The following SLC12A2 variants were observed in gnomAD, a reference collection of about 807,000 sequenced individuals.
SLC12A2 encodes the protein Na-K-2Cl cotransporter 1.
A neutral mutation model predicts 136.3 loss-of-function variants in SLC12A2; 67 were observed. That is an observed-to-expected ratio of 0.49 (90% CI 0.40 to 0.60). The LOEUF (loss-of-function observed/expected upper bound fraction) is 0.60. Ranked by LOEUF, SLC12A2 falls within the 20% of genes least tolerant of loss-of-function variation. SLC12A2 has a pLI of 0.00. For synonymous variants in SLC12A2, 619 were observed against 562.9 expected (o/e 1.10, Z -1.41); for missense variants, 1,322 against 1,534.7 (o/e 0.86, Z 2.32).
intron 24 of SLC12A2, 122 bp from the exon 25 acceptor site, chr5:128,184,244 A>T: frequency 1.7e-6 from 1 of 592,452 alleles, no homozygotes. Context: ...TGGTTGGGGT[A>T]TGGAGAGGAG....
chr5:128,109,657 G>C (rs997201828), intron 1 of SLC12A2: 3 of 842,798 alleles, frequency 3.6e-6, no homozygotes, highest in Non-Finnish European at 6.2e-6. Context: ...ATACATCAGG[G>C]AATAGCTTCA....
intron 1 of SLC12A2, among the ~76,000 whole-genome samples, chr5:128,091,081 A>G (rs781377809): frequency 3.3e-5 from 5 of 152,244 alleles, no homozygotes; most frequent in Admixed American, 6.5e-5. Context: ...GCCTACTGCA[A>G]TGGTTCCATT....
Position 128,174,585 on chromosome 5 carries a change from G to T in SLC12A2, c.2848G>T (p.Val950Leu), listed in dbSNP as rs760024899. 4 of 1,608,930 alleles carry T rather than the reference G, an allele frequency of 2.5e-6. No individual in the cohort carries two copies. The highest frequency in any genetic ancestry group is 2.2e-5 in the East Asian group (1 of 44,582). ...SQEKSPGTKD[V>L]VVSVEYSKKS... ...AGAGAAATCTCCTGGCACCAAGGAT[G>T]TGGTAGTAAGTGTGGAATATAGTAA... is the stretch of plus-strand genomic sequence containing the variant. The change falls in exon 20 of 27, where the codon GTG becomes TTG. Residue 950 changes from valine to leucine, a missense_variant. Physicochemically the swap from Val to Leu is conservative, Grantham distance 32. Transcript: ENST00000262461.
rs570600469 is a variant in SLC12A2 at position 128,110,914 on chromosome 5, G to A, written c.757-1900G>A. The A allele has an allele frequency of 2.5e-5, 25 of 985,680 alleles. No homozygotes were observed. In the East Asian group the frequency reaches 5.5e-4, roughly 22 times the overall value. The allele number at this position is 985,680 out of a possible 1,614,324, so 61.1% of individuals were successfully genotyped here. A position where few individuals can be genotyped will look rare whatever the true frequency, so the allele number is the denominator to read the frequency against. On this transcript the variant is annotated intron_variant, in intron 1 of 26. Transcript: ENST00000262461. ...AGTGAGTGGGCCGCAAATCTGAGAGGGCATGAAAAGGGTAGAACCACAGAC... is the reference window on the plus strand; with the variant it reads ...AGTGAGTGGGCCGCAAATCTGAGAGAGCATGAAAAGGGTAGAACCACAGAC...
At chr5:128,159,453 C>T (rs1762963791) in intron 16 of SLC12A2, among the ~76,000 whole-genome samples, 1 of 152,184 alleles carries the variant, frequency 6.6e-6, no homozygotes, top group Non-Finnish European at 1.5e-5. Flanking sequence ...AAACTATCAT[C>T]AGAGTGAACA....
At chr5:128,090,925 C>T (rs1020090561) in intron 1 of SLC12A2, among the ~76,000 whole-genome samples, 1 of 152,288 alleles carries the variant, frequency 6.6e-6, no homozygotes, top group East Asian at 1.9e-4. Flanking sequence ...TAGGATTTTA[C>T]TCTGAGTGAT....
intron 24 of SLC12A2, 112 bp from the exon 25 acceptor site, chr5:128,184,254 G>A: frequency 1.5e-6 from 1 of 654,208 alleles, no homozygotes; most frequent in Admixed American, 3.0e-5. Flanking sequence ...ATGGAGAGGA[G>A]CGTAATAAAT....
At position 128,084,454 on chromosome 5, in the gene SLC12A2, C is replaced by A; in HGVS notation, c.500C>A (p.Pro167His). Residue 167 changes from proline (P) to histidine (H), a missense_variant, in exon 1 of 27, where the codon CCC becomes CAC. Pro to His is a moderately conservative substitution (Grantham distance 77). Coordinates refer to ENST00000262461, the MANE Select transcript of SLC12A2 (RefSeq NM_001046.3). This position sits in a 1 kb window ranked among gnomAD's most constrained non-coding sequence, Gnocchi z 5.6. Reference sequence around the variant, plus strand: ...GCTGCCGGGGTCGGAGTCGACGGGCCCAACGTGAGCTTCCAGAACGGCGGG... The same window carrying A: ...GCTGCCGGGGTCGGAGTCGACGGGCACAACGTGAGCTTCCAGAACGGCGGG... ...SDAAGVGVDG[P>H]NVSFQNGGDT... The A allele has an allele frequency of 6.2e-7, 1 of 1,613,038 alleles. No homozygotes were observed. Among genetic ancestry groups the A allele is most frequent in the East Asian group, 2.2e-5 (1 of 44,860 alleles).
rs70997362 is a variant in SLC12A2 at position 128,102,596 on chromosome 5, C to CTTTTTTTTTTTTTTTTTTTTT, written c.757-10207_757-10187dup. On this transcript the variant is annotated intron_variant, in intron 1 of 26. Coordinates refer to ENST00000262461, the MANE Select transcript of SLC12A2 (RefSeq NM_001046.3). The stretch of plus-strand genomic sequence containing the variant: ...TTCTGTAATTCACCCCCCCCCCCGC[C>CTTTTTTTTTTTTTTTTTTTTT]TTTTTTTTTTTTTTTTTTTTTTTTT... Among the ~76,000 whole-genome samples, 18 of 40,466 alleles carry CTTTTTTTTTTTTTTTTTTTTT rather than the reference C, an allele frequency of 4.4e-4. 4 individuals are homozygous for CTTTTTTTTTTTTTTTTTTTTT. Among genetic ancestry groups the CTTTTTTTTTTTTTTTTTTTTT allele is most frequent in the Non-Finnish European group, 5.8e-4 (12 of 20,548 alleles). The allele number at this position is 40,466 out of a possible 152,430, so 26.5% of individuals were successfully genotyped here.
intron 1 of SLC12A2, among the ~76,000 whole-genome samples, chr5:128,090,468 T>G (rs1370682464): frequency 6.6e-6 from 1 of 152,142 alleles, no homozygotes; most frequent in African/African-American, 2.4e-5. Flanking sequence ...TATGCTGAAG[T>G]GAAATAAATG....
Position 128,120,095 on chromosome 5 carries a change from G to A in SLC12A2, c.1048+5414G>A, listed in dbSNP as rs370888405. ...AAAGAAGACATTTATGCAGCCAAAA[G>A]ACACATGAAAAAATGCTCATCATCA... On this transcript the variant is annotated intron_variant, in intron 4 of 26. Transcript: ENST00000262461. Among the ~76,000 whole-genome samples, 23 of 151,964 alleles carry A rather than the reference G, an allele frequency of 1.5e-4. 1 individual carries two copies. The highest frequency in any genetic ancestry group is 1.3e-4 in the Admixed American group (2 of 15,248).
rs746633185 is a variant in SLC12A2, at chr5:128,084,239, TGCGGCGGCGGCGGCG to T, written c.294_308del (p.Ala103_Ala107del). ...CCGAGAACGCCGGGCGGGCCGCTGC[TGCGGCGGCGGCGGCG>T]GCGGCGGCAGCGGCGGCGGCTGGTG... On this transcript the variant is annotated inframe_deletion, in exon 1 of 27. Transcript: ENST00000262461. The surrounding 1 kb of genome is among the most constrained non-coding windows in gnomAD (Gnocchi z 5.6). The T allele has an allele frequency of 7.8e-6, 10 of 1,279,580 alleles. No individual in the cohort carries two copies. The highest frequency in any genetic ancestry group is 3.0e-5 in the South Asian group (1 of 33,530). The allele number at this position is 1,279,580 out of a possible 1,614,324, so 79.3% of individuals were successfully genotyped here.
intron 10 of SLC12A2, among the ~76,000 whole-genome samples, chr5:128,144,931 T>C (rs1762482479): frequency 6.6e-6 from 1 of 152,136 alleles, no homozygotes; most frequent in African/African-American, 2.4e-5. Context: ...TTTTTTCCCC[T>C]TTAGAGACAA....
intron 10 of SLC12A2, among the ~76,000 whole-genome samples, chr5:128,143,262 T>C (rs1762428991): frequency 6.6e-6 from 1 of 152,202 alleles, no homozygotes; most frequent in Non-Finnish European, 1.5e-5. Flanking sequence ...TCATAATTGC[T>C]TTATTTATAA....
At chr5:128,133,050 C>T (rs1053735339) in intron 5 of SLC12A2, among the ~76,000 whole-genome samples, 1 of 151,316 alleles carries the variant, frequency 6.6e-6, no homozygotes, top group African/African-American at 2.4e-5. Context: ...TCAATAGATA[C>T]ATTTACACTA....
chr5:128,181,124 A>C, intron 23 of SLC12A2, 130 bp downstream of exon 23: 2 of 642,054 alleles, frequency 3.1e-6, no homozygotes, highest in Non-Finnish European at 5.5e-6. Flanking sequence ...CTGAAGTTAA[A>C]AATTTTAAAT....
Position 128,188,855 on chromosome 5 carries a change from T to C in SLC12A2, c.*2224T>C, listed in dbSNP as rs1033127116. On this transcript the variant is annotated 3_prime_UTR_variant, in exon 27 of 27. Transcript: ENST00000262461. ...ATTCAGTAAACAATAATGTGTGAACTTTTAAGATGGATAATAGGGCATGGA... is the reference window on the plus strand; with the variant it reads ...ATTCAGTAAACAATAATGTGTGAACCTTTAAGATGGATAATAGGGCATGGA... 6.6e-6 allele frequency: 1 copy of C among 152,432 alleles called. No individual in the cohort carries two copies. Among genetic ancestry groups the C allele is most frequent in the African/African-American group, 2.4e-5 (1 of 41,372 alleles). 9.4% of individuals were successfully genotyped at this position (152,432 alleles called of 1,614,324 possible). A position where few individuals can be genotyped will look rare whatever the true frequency, so the allele number is the denominator to read the frequency against.
intron 23 of SLC12A2, among the ~76,000 whole-genome samples, chr5:128,181,286 AG>A (rs1294731602): frequency 6.6e-6 from 1 of 152,150 alleles, no homozygotes; most frequent in Admixed American, 6.6e-5. Context: ...TTAATCAGGG[AG>A]AAAATGCACA....
Position 128,135,736 on chromosome 5 carries a change from A to T in SLC12A2, c.1336A>T (p.Ile446Phe), listed in dbSNP as rs749800306. 1.9e-6 allele frequency: 3 copies of T among 1,612,344 alleles called. No homozygotes were observed. The highest frequency in any genetic ancestry group is 1.7e-6 in the Non-Finnish European group (2 of 1,178,698). ...IVLLVILLLA[I>F]GDFVIGTFIP... ...TCTTTTGGTGATCCTACTTCTTGCT[A>T]TTGGTGATTTCGTCATAGGAACATT... Residue 446 changes from isoleucine to phenylalanine, a missense_variant, in exon 7 of 27, where the codon ATT becomes TTT. Transcript: ENST00000262461.
Sources: gnomAD v4.1 joint callset for allele counts (sites outside exome capture counted in the v4.1 genomes callset) on GRCh38, gnomAD v4.1.1 for gene constraint, Gnocchi (gnomAD v3.1) non-coding constraint, MANE v1.5 for transcripts, NCBI Gene and HGNC (gene_info 2026-07-23, HGNC 2026-07-21) for gene names.